FOSL2: variants seen among roughly 807,000 people sequenced by gnomAD.
FOSL2 encodes the protein fos-related antigen 2.
In FOSL2, 3 loss-of-function variants were observed where a neutral mutation model predicts 27.7. The ratio of observed to expected loss-of-function variants is 0.11; its 90% CI spans 0.05 to 0.28. The LOEUF is 0.28. FOSL2 is among the 10% of genes least tolerant of loss of function. The pLI, the probability that FOSL2 is intolerant of heterozygous loss-of-function variation, is 1.00. For missense variants in FOSL2, 333 were observed against 445.1 expected (o/e 0.75, Z 2.27); for synonymous variants, 179 against 190.1 (o/e 0.94, Z 0.48).
At chr2:28,400,682 C>A (rs986876070) in intron 1 of FOSL2, among the ~76,000 whole-genome samples, 1 of 152,206 alleles carries the variant, frequency 6.6e-6, no homozygotes, top group Non-Finnish European at 1.5e-5. Context: ...GCAGTCATTA[C>A]CTCCTGGCTG....
rs1184843693 is a variant in FOSL2, at chr2:28,413,036, A to G, written c.*588A>G. The G allele has an allele frequency of 1.2e-5, 2 of 160,402 alleles. No individual in the cohort carries two copies. The highest frequency in any genetic ancestry group is 4.8e-5 in the African/African-American group (2 of 41,814). The allele number at this position is 160,402 out of a possible 1,614,324, so 9.9% of individuals were successfully genotyped here. The stretch of plus-strand genomic sequence containing the variant: ...TCCAGAAGGGGACAAAGTGCAATAC[A>G]GAGCCTTCCCTACCCTGACGCCTCC... On this transcript the variant is annotated 3_prime_UTR_variant, in exon 4 of 4. Transcript: ENST00000264716.
chr2:28,401,378 C>T (rs553852671), intron 1 of FOSL2, among the ~76,000 whole-genome samples: 10 of 152,258 alleles, frequency 6.6e-5, no homozygotes, highest in East Asian at 1.9e-4. Flanking sequence ...GAACCACTGG[C>T]GTGCTTTTAT....
At chr2:28,407,225 C>T (rs1293402186) in intron 2 of FOSL2, among the ~76,000 whole-genome samples, 1 of 152,186 alleles carries the variant, frequency 6.6e-6, no homozygotes, top group African/African-American at 2.4e-5. Context: ...CCTGGTGGCC[C>T]TTTCAGTGGT....
At position 28,413,291 on chromosome 2, in the gene FOSL2, GC is replaced by G. The variant is rs1664242166; in HGVS notation, c.*845del. 1 of 394,314 alleles carries G rather than the reference GC, an allele frequency of 2.5e-6. No individual in the cohort carries two copies. The allele number at this position is 394,314 out of a possible 1,614,324, so 24.4% of individuals were successfully genotyped here. On this transcript the variant is annotated 3_prime_UTR_variant, in exon 4 of 4. Transcript: ENST00000264716. ...CCAACAAAGCCACACGGGTGTCCTA[GC>G]CAGCTTCCCTTCACCTGGTGTCTTG...
In FOSL2 at chr2:28,408,363, G is replaced by A. The variant is rs1018258090; in HGVS notation, c.355-396G>A. ...GGTTTGGAAGAAGCTGCTTAAGTGG[G>A]TGGGGCCACGCCTGGCTGGCAGGAG... On this transcript the variant is annotated intron_variant, in intron 2 of 3. Transcript: ENST00000264716. The surrounding 1 kb of genome is among the most constrained non-coding windows in gnomAD (Gnocchi z 4.1). 6.6e-6 allele frequency among the ~76,000 whole-genome samples: 1 copy of A among 152,220 alleles called. No homozygotes were observed. The highest frequency in any genetic ancestry group is 2.4e-5 in the African/African-American group (1 of 41,450).
chr2:28,397,971 A>G (rs1282751852), intron 1 of FOSL2, among the ~76,000 whole-genome samples: 1 of 152,188 alleles, frequency 6.6e-6, no homozygotes, highest in Non-Finnish European at 1.5e-5. Flanking sequence ...GTAGGGTGTG[A>G]CCCTGTGTCC....
At chr2:28,406,939 T>C (rs1038316356) in intron 2 of FOSL2, among the ~76,000 whole-genome samples, 6 of 152,154 alleles carry the variant, frequency 3.9e-5, no homozygotes, top group African/African-American at 1.4e-4. Context: ...GGAGGGTGTG[T>C]GTGGCTTGTG....
rs181017927 is a variant in FOSL2, at chr2:28,399,118, G to A, written c.103-4989G>A. 1.2e-3 allele frequency among the ~76,000 whole-genome samples: 190 copies of A among 152,332 alleles called. 1 individual carries two copies. The highest frequency in any genetic ancestry group is 0.012 in the Admixed American group (184 of 15,302). ...TACACTCAATCATACCTGCTTGCCT[G>A]GCAAGGCAGTTTACAGAGTCCACAG... On this transcript the variant is annotated intron_variant, in intron 1 of 3. Coordinates refer to ENST00000264716, the MANE Select transcript of FOSL2 (RefSeq NM_005253.4).
In FOSL2 at chr2:28,414,041, C is replaced by T. The variant is rs1428530331; in HGVS notation, c.*1593C>T. On this transcript the variant is annotated 3_prime_UTR_variant, in exon 4 of 4. Transcript: ENST00000264716. ...TATGGCTCCTGCTGAGTTTCTTGTC[C>T]AGCAGGGCCTTGACAGGAATCCAGG... 5.1e-6 allele frequency: 2 copies of T among 389,362 alleles called. No homozygotes were observed. Among genetic ancestry groups the T allele is most frequent in the Non-Finnish European group, 9.1e-6 (2 of 220,730 alleles). 24.1% of individuals were successfully genotyped at this position (389,362 alleles called of 1,614,324 possible).
rs113836379 is a variant in FOSL2 at position 28,412,547 on chromosome 2, G to A, written c.*99G>A. The A allele has an allele frequency of 5.2e-5, 73 of 1,399,024 alleles. 1 individual carries two copies. The African/African-American group carries it at 5.6e-4, about 11-fold the overall frequency. The allele number at this position is 1,399,024 out of a possible 1,614,324, so 86.7% of individuals were successfully genotyped here. A position where few individuals can be genotyped will look rare whatever the true frequency, so the allele number is the denominator to read the frequency against. On this transcript the variant is annotated 3_prime_UTR_variant, in exon 4 of 4. Transcript: ENST00000264716. The surrounding 1 kb of genome is among the most constrained non-coding windows in gnomAD (Gnocchi z 7.1). ...GCGCTCCAGGGCCGTGAGGGCAAGA[G>A]GGGGACCTGCCACCAGGGAGCTTCC...
intron 1 of FOSL2, among the ~76,000 whole-genome samples, chr2:28,401,486 C>T (rs1473786904): frequency 1.3e-5 from 2 of 152,134 alleles, no homozygotes; most frequent in African/African-American, 4.8e-5. Context: ...AGTCCTTGAG[C>T]CCAGGGCAAG....
chr2:28,393,644 C>A lies in FOSL2; in HGVS notation c.-77C>A. 5.3e-6 allele frequency: 6 copies of A among 1,128,100 alleles called. No homozygotes were observed. In the South Asian group the frequency reaches 8.2e-5, roughly 15 times the overall value. The allele number at this position is 1,128,100 out of a possible 1,614,324, so 69.9% of individuals were successfully genotyped here. ...CGCGGCCGGCGGACGAACGAGCGCG[C>A]AGCAGCCGGTGCGCGGCCGCGGCGA... On this transcript the variant is annotated 5_prime_UTR_variant, in exon 1 of 4. Transcript: ENST00000264716. This position sits in a 1 kb window ranked among gnomAD's most constrained non-coding sequence, Gnocchi z 4.6.
At chr2:28,403,883 G>T (rs1405204863) in intron 1 of FOSL2, among the ~76,000 whole-genome samples, 24 of 152,220 alleles carry the variant, frequency 1.6e-4, no homozygotes, top group Admixed American at 1.6e-3. Context: ...CAGGACCCCA[G>T]TCAGGGAGCA....
intron 3 of FOSL2, chr2:28,410,464 C>T: frequency 1.2e-6 from 1 of 807,566 alleles, no homozygotes; most frequent in Non-Finnish European, 1.5e-6. Flanking sequence ...TGAGCCACAT[C>T]CTCCACAGGA....
intron 1 of FOSL2, among the ~76,000 whole-genome samples, chr2:28,397,534 G>A (rs1572484801): frequency 6.6e-6 from 1 of 152,192 alleles, no homozygotes; most frequent in African/African-American, 2.4e-5. Flanking sequence ...GGGTGAAATA[G>A]CAGTCATGTA....
At chr2:28,403,234 AT>A (rs1664010330) in intron 1 of FOSL2, among the ~76,000 whole-genome samples, 1 of 152,196 alleles carries the variant, frequency 6.6e-6, no homozygotes, top group Admixed American at 6.5e-5. Context: ...TTTAGTTTCT[AT>A]ACTCTGTCAT....
chr2:28,395,606 A>C (rs1663799611), intron 1 of FOSL2: 1 of 152,240 alleles, frequency 6.6e-6, no homozygotes, highest in South Asian at 2.1e-4. Context: ...AGCAGAGTGT[A>C]ATAGGGCCTC....
chr2:28,410,563 G>A (rs906016581), intron 3 of FOSL2: 16 of 984,642 alleles, frequency 1.6e-5, no homozygotes, highest in Non-Finnish European at 1.8e-5. Flanking sequence ...TCTGCTGAAC[G>A]AAGCCCTTGC....
chr2:28,402,539 T>G (rs1159266694), intron 1 of FOSL2, among the ~76,000 whole-genome samples: 7 of 152,226 alleles, frequency 4.6e-5, no homozygotes, highest in Admixed American at 4.6e-4. Flanking sequence ...TGCGAATGCT[T>G]CTATCCTAGT....
Sources: allele counts gnomAD v4.1 joint callset (sites outside exome capture counted in the v4.1 genomes callset), GRCh38; gene constraint gnomAD v4.1.1; non-coding constraint Gnocchi (gnomAD v3.1); transcripts MANE v1.5; gene names NCBI Gene and HGNC (gene_info 2026-07-23, HGNC 2026-07-21).